Variants in MIB1 observed in about 807,000 individuals in gnomAD.
The protein encoded by MIB1 is MIB E3 ubiquitin protein ligase 1.
Under a neutral mutation model 124.5 loss-of-function variants are expected in MIB1, and 278 were observed. That is an observed-to-expected ratio of 2.23 (90% CI 2.02 to 2.47). The LOEUF is 2.47. MIB1 is among the 30% of genes most tolerant of loss of function. MIB1 has a pLI of 0.00. For synonymous variants in MIB1, 446 were observed against 429.4 expected (o/e 1.04, Z -0.48); for missense variants, 957 against 1,254.4 (o/e 0.76, Z 3.58).
In MIB1 at chr18:21,800,864, A is replaced by C. The variant is rs369582858; in HGVS notation, c.1371+890A>C. ...TTGATTGGTTATGAGCTATGTAAAA[A>C]TAATTTGCTTCAAATGTTGAAGTAC... On this transcript the variant is annotated intron_variant, in intron 9 of 20. Transcript: ENST00000261537. Among the ~76,000 whole-genome samples the C allele has an allele frequency of 5.9e-5, 9 of 152,230 alleles. No individual in the cohort carries two copies. In the East Asian group the frequency reaches 1.7e-3, roughly 29 times the overall value.
intron 12 of MIB1, among the ~76,000 whole-genome samples, chr18:21,832,846 G>T (rs1396738955): frequency 6.6e-6 from 1 of 152,134 alleles, no homozygotes; most frequent in Admixed American, 6.6e-5. Flanking sequence ...TATAAAGTAG[G>T]TTAATTTTCA....
At chr18:21,832,804 C>T (rs1360578028) in intron 12 of MIB1, among the ~76,000 whole-genome samples, 1 of 152,122 alleles carries the variant, frequency 6.6e-6, no homozygotes, top group African/African-American at 2.4e-5. Flanking sequence ...AATAATTTTA[C>T]TCATATTATG....
chr18:21,757,519 C>G, intron 1 of MIB1, among the ~76,000 whole-genome samples: 1 of 120,490 alleles, frequency 8.3e-6, no homozygotes, highest in Admixed American at 9.3e-5. Flanking sequence ...GGGTCTTACT[C>G]TGTCTCCCAG....
At chr18:21,779,407 A>T in intron 5 of MIB1, 74 bp from the exon 6 acceptor site, 1 of 1,163,028 alleles carries the variant, frequency 8.6e-7, no homozygotes, top group South Asian at 1.3e-5. Flanking sequence ...TCTACATGTT[A>T]TTTAAAGATA....
At chr18:21,767,923 C>T (rs1343918533) in intron 2 of MIB1, among the ~76,000 whole-genome samples, 1 of 152,076 alleles carries the variant, frequency 6.6e-6, no homozygotes, top group Non-Finnish European at 1.5e-5. Flanking sequence ...ACCCTGCTCC[C>T]CCCACTGCCC....
intron 18 of MIB1, among the ~76,000 whole-genome samples, chr18:21,855,558 C>T (rs982126878): frequency 2.0e-5 from 3 of 152,222 alleles, no homozygotes; most frequent in African/African-American, 7.2e-5. Context: ...CAGATTTCTA[C>T]TTAACGTTGG....
chr18:21,750,733 C>T (rs906601264), intron 1 of MIB1, among the ~76,000 whole-genome samples: 6 of 152,006 alleles, frequency 3.9e-5, no homozygotes, highest in Non-Finnish European at 7.4e-5. Context: ...CAAAGTCCTG[C>T]GATTACAGGC....
At chr18:21,720,014 A>G (rs2040707704) in intron 1 of MIB1, among the ~76,000 whole-genome samples, 1 of 152,206 alleles carries the variant, frequency 6.6e-6, no homozygotes. Context: ...GACGTTTTGC[A>G]GAAAACTTTG....
intron 6 of MIB1, among the ~76,000 whole-genome samples, chr18:21,781,404 TATATATATATAA>T (rs1418412324): frequency 6.3e-5 from 7 of 111,720 alleles, no homozygotes; most frequent in Non-Finnish European, 1.1e-4. Flanking sequence ...TATATATATA[TATATATATATAA>T]AATTATTATT....
rs1439878293 is a variant in MIB1 at position 21,866,717 on chromosome 18, C to T, written c.*2051C>T. ...ATCCCTAAAAGGTAATAGCATCTTCCAGACTAGTTTAATTATTTCCTTTAT... is the reference window on the plus strand; with the variant it reads ...ATCCCTAAAAGGTAATAGCATCTTCTAGACTAGTTTAATTATTTCCTTTAT... On this transcript the variant is annotated 3_prime_UTR_variant, in exon 21 of 21. Transcript: ENST00000261537. 2.6e-5 allele frequency: 4 copies of T among 152,176 alleles called. No individual in the cohort carries two copies. Among genetic ancestry groups the T allele is most frequent in the African/African-American group, 9.7e-5 (4 of 41,442 alleles). 9.4% of individuals were successfully genotyped at this position (152,176 alleles called of 1,614,324 possible).
At chr18:21,764,550 A>G (rs1046041153) in intron 1 of MIB1, among the ~76,000 whole-genome samples, 6 of 152,184 alleles carry the variant, frequency 3.9e-5, no homozygotes, top group Non-Finnish European at 7.3e-5. Context: ...AAGGGGACTG[A>G]GGTTGTGAGA....
chr18:21,841,098 GC>G (rs1360762929), intron 13 of MIB1, among the ~76,000 whole-genome samples: 1 of 152,004 alleles, frequency 6.6e-6, no homozygotes, highest in Non-Finnish European at 1.5e-5. Flanking sequence ...GGGTGCGGTG[GC>G]TCATGCCTGT....
intron 16 of MIB1, among the ~76,000 whole-genome samples, chr18:21,848,478 A>G (rs1286674492): frequency 6.6e-6 from 1 of 152,170 alleles, no homozygotes; most frequent in African/African-American, 2.4e-5. Context: ...AAATATAAAG[A>G]TATAAGGCAC....
chr18:21,791,681 C>A lies in MIB1; in HGVS notation c.1092+124C>A, dbSNP rs563167282. Reference sequence around the variant, plus strand: ...TTAGAATTGTACTCTCCATTTGCACCTAGACATACTCGTGCATTTTGTTTT... The same window carrying A: ...TTAGAATTGTACTCTCCATTTGCACATAGACATACTCGTGCATTTTGTTTT... On this transcript the variant is annotated intron_variant, in intron 7 of 20. Coordinates refer to ENST00000261537, the MANE Select transcript of MIB1 (RefSeq NM_020774.4). The A allele has an allele frequency of 8.9e-6, 6 of 670,696 alleles. No homozygotes were observed. In the South Asian group the frequency reaches 1.5e-4, roughly 17 times the overall value. 41.5% of individuals were successfully genotyped at this position (670,696 alleles called of 1,614,324 possible). A position where few individuals can be genotyped will look rare whatever the true frequency, so the allele number is the denominator to read the frequency against.
chr18:21,729,144 A>T (rs1010591479), intron 1 of MIB1, among the ~76,000 whole-genome samples: 12 of 152,166 alleles, frequency 7.9e-5, no homozygotes, highest in Admixed American at 7.9e-4. Context: ...CTGCTTATAT[A>T]TCTGATTATA....
intron 13 of MIB1, among the ~76,000 whole-genome samples, chr18:21,839,417 G>T (rs1365385068): frequency 6.6e-6 from 1 of 152,134 alleles, no homozygotes; most frequent in Non-Finnish European, 1.5e-5. Flanking sequence ...TTGCCTTATA[G>T]AAAGTCTTGA....
rs373222228 is a variant in MIB1 at position 21,843,157 on chromosome 18, T to C, written c.1989T>C (p.Asn663=). Residue 663 remains asparagine (N), a synonymous_variant, in exon 14 of 21, where the codon AAT becomes AAC. Transcript: ENST00000261537. ...HQGNANLDIQ[N]VNQQTALHLA... ...GTAATGCAAACCTGGATATCCAGAA[T>C]GTGAACCAACAAACTGCCCTACACC... 1.9e-6 allele frequency: 3 copies of C among 1,603,860 alleles called. No homozygotes were observed. The highest frequency in any genetic ancestry group is 1.7e-6 in the Non-Finnish European group (2 of 1,176,228).
chr18:21,853,219 G>GT lies in MIB1; in HGVS notation c.2665+2dup. The GT allele has an allele frequency of 6.2e-7, 1 of 1,601,116 alleles. No individual in the cohort carries two copies. Among genetic ancestry groups the GT allele is most frequent in the Non-Finnish European group, 8.6e-7 (1 of 1,168,712 alleles). ...TGTGGCCACATGTGTGCTTGTGAGA[G>GT]TAAGTAGCCTATGCAGAGTTCCTCA... On this transcript the variant is annotated splice_donor_variant, in intron 18 of 20. Transcript: ENST00000261537. LOFTEE classifies it high-confidence loss of function.
rs2041614928 is a variant in MIB1, at chr18:21,798,722, C to CATAGTTCACA, written c.1237+494_1237+495insATAGTTCACA. On this transcript the variant is annotated intron_variant, in intron 8 of 20. Coordinates refer to ENST00000261537, the MANE Select transcript of MIB1 (RefSeq NM_020774.4). ...CATGCTACCGTGACTAGAAACTATG[C>CATAGTTCACA]TAAAATGTGAACATCCTGGATGCTT... is the stretch of plus-strand genomic sequence containing the variant. Among the ~76,000 whole-genome samples, 6 of 152,138 alleles carry CATAGTTCACA rather than the reference C, an allele frequency of 3.9e-5. No homozygotes were observed. The South Asian group carries it at 1.2e-3, about 31-fold the overall frequency.
Sources: allele counts gnomAD v4.1 joint callset (sites outside exome capture counted in the v4.1 genomes callset), GRCh38; gene constraint gnomAD v4.1.1; transcripts MANE v1.5; gene names NCBI Gene and HGNC (gene_info 2026-07-23, HGNC 2026-07-21).